Variants in COBLL1 observed in about 807,000 individuals in gnomAD.
COBLL1 encodes the protein cordon-bleu protein-like 1.
A neutral mutation model predicts 94.8 loss-of-function variants in COBLL1; 50 were observed. The observed-to-expected ratio is 0.53, with a 90% confidence interval of 0.42 to 0.67. The LOEUF (loss-of-function observed/expected upper bound fraction) is 0.67. Ranked by LOEUF, COBLL1 falls within the 30% of genes least tolerant of loss-of-function variation. COBLL1 has a pLI of 0.00. For synonymous variants in COBLL1, 448 were observed against 473.8 expected (o/e 0.95, Z 0.71); for missense variants, 1,362 against 1,348.7 (o/e 1.01, Z -0.15).
At chr2:164,820,217 C>T (rs1410743607) in intron 2 of COBLL1, among the ~76,000 whole-genome samples, 2 of 150,448 alleles carry the variant, frequency 1.3e-5, no homozygotes, top group African/African-American at 4.9e-5. Flanking sequence ...GCTGTCATAT[C>T]CTTACCCCCA....
At chr2:164,699,926 A>G (rs1684161455) in intron 10 of COBLL1, among the ~76,000 whole-genome samples, 2 of 152,088 alleles carry the variant, frequency 1.3e-5, no homozygotes, top group South Asian at 4.1e-4. Flanking sequence ...AGAATAGTTT[A>G]ATAAGGAGAC....
intron 7 of COBLL1, among the ~76,000 whole-genome samples, chr2:164,717,126 T>C (rs1237512012): frequency 1.3e-5 from 2 of 152,198 alleles, no homozygotes; most frequent in Non-Finnish European, 2.9e-5. Context: ...ATTTCCAATA[T>C]TTTCTTTCTG....
chr2:164,727,018 G>C (rs1685751979), intron 5 of COBLL1: 1 of 618,602 alleles, frequency 1.6e-6, no homozygotes, highest in South Asian at 2.8e-5. Flanking sequence ...ACACGTTAGT[G>C]ATGTTAAGAA....
At chr2:164,693,382 C>A (rs1683721297) in intron 12 of COBLL1, among the ~76,000 whole-genome samples, 1 of 152,100 alleles carries the variant, frequency 6.6e-6, no homozygotes, top group South Asian at 2.1e-4. Flanking sequence ...GGTTAACATT[C>A]TTTTGCTCTA....
chr2:164,687,231 G>A, intron 13 of COBLL1: 1 of 370,460 alleles, frequency 2.7e-6, no homozygotes, highest in Non-Finnish European at 4.8e-6. Flanking sequence ...TTTTTTTGGA[G>A]AGGAAGTAGA....
rs1355072470 is a variant in COBLL1 at position 164,728,054 on chromosome 2, A to G, written c.576T>C (p.Asp192=). 4 of 1,613,840 alleles carry G rather than the reference A, an allele frequency of 2.5e-6. No homozygotes were observed. Among genetic ancestry groups the G allele is most frequent in the South Asian group, 2.2e-5 (2 of 91,082 alleles). ...AGTCAAGAGGCTCCTGCGATTGATAATCTTTCAACAATAGTGTATGCAACG... is the reference window on the plus strand; with the variant it reads ...AGTCAAGAGGCTCCTGCGATTGATAGTCTTTCAACAATAGTGTATGCAACG... ...FDPLHTLLLK[D]YQSQEPLDLT... Residue 192 remains aspartate (D), a synonymous_variant, in exon 5 of 14, where the codon GAT becomes GAC. Coordinates refer to ENST00000652658, the MANE Select transcript of COBLL1 (RefSeq NM_001365672.2).
At chr2:164,717,889 C>A (rs1214364949) in intron 7 of COBLL1, among the ~76,000 whole-genome samples, 1 of 152,124 alleles carries the variant, frequency 6.6e-6, no homozygotes, top group Non-Finnish European at 1.5e-5. Flanking sequence ...ATTCAAGGAT[C>A]AATTATATTT....
Position 164,789,162 on chromosome 2 carries a change from T to C in COBLL1, c.42-45287A>G, listed in dbSNP as rs139318851. Among the ~76,000 whole-genome samples, 1,111 of 152,032 alleles carry C rather than the reference T, an allele frequency of 7.3e-3. 9 individuals are homozygous for C. The highest frequency in any genetic ancestry group is 0.026 in the African/African-American group (1,074 of 41,472). On this transcript the variant is annotated intron_variant, in intron 2 of 13. Coordinates refer to ENST00000652658, the MANE Select transcript of COBLL1 (RefSeq NM_001365672.2). ...GTTCAAATCCAGCCTGGACAAGTCC[T>C]GGACTCAAAAAACAAGCAAGATCTT... is the stretch of plus-strand genomic sequence containing the variant.
At position 164,840,285 on chromosome 2, in the gene COBLL1, T is replaced by C. The variant is rs539048752; in HGVS notation, c.41+871A>G. Among the ~76,000 whole-genome samples, 78 of 151,756 alleles carry C rather than the reference T, an allele frequency of 5.1e-4. 1 individual carries two copies. The highest frequency in any genetic ancestry group is 1.9e-3 in the African/African-American group (77 of 41,058). On this transcript the variant is annotated intron_variant, in intron 2 of 13. Transcript: ENST00000652658. ...ATAAACTATGTTGGAGGAACACTTA[T>C]GCTGGGGGGAAAAATCTTGTACTAC...
chr2:164,816,777 A>G (rs1316755672), intron 2 of COBLL1, among the ~76,000 whole-genome samples: 2 of 152,128 alleles, frequency 1.3e-5, no homozygotes, highest in African/African-American at 4.8e-5. Flanking sequence ...ATTATTAGTT[A>G]TGAGGGGTTC....
intron 3 of COBLL1, chr2:164,743,323 T>A (rs1173187673): frequency 6.0e-6 from 1 of 166,862 alleles, no homozygotes. Context: ...AAGAAAAGGA[T>A]AGGATTTTCC....
At chr2:164,732,333 T>C (rs1279268816) in intron 3 of COBLL1, among the ~76,000 whole-genome samples, 3 of 152,206 alleles carry the variant, frequency 2.0e-5, no homozygotes, top group Admixed American at 2.0e-4. Context: ...ATATTGCCCA[T>C]GTTTTGGCTT....
intron 2 of COBLL1, chr2:164,800,597 G>A (rs1683720194): frequency 4.3e-6 from 3 of 701,162 alleles, no homozygotes; most frequent in Admixed American, 2.0e-5. Flanking sequence ...TACTTGAAAT[G>A]AAAATACTGT....
At chr2:164,673,426 G>A (rs761192394) in intron 1 of COBLL1, among the ~76,000 whole-genome samples, 1 of 152,170 alleles carries the variant, frequency 6.6e-6, no homozygotes, top group Non-Finnish European at 1.5e-5. Context: ...TGTAATCCCA[G>A]CACTTTGGGA....
chr2:164,749,840 A>G (rs1283218773), intron 2 of COBLL1, among the ~76,000 whole-genome samples: 1 of 152,162 alleles, frequency 6.6e-6, no homozygotes, highest in African/African-American at 2.4e-5. Flanking sequence ...TGAGGGTCCA[A>G]ATCATAGACA....
chr2:164,792,317 T>TG (rs1683232228), intron 2 of COBLL1, among the ~76,000 whole-genome samples: 2 of 151,928 alleles, frequency 1.3e-5, no homozygotes, highest in South Asian at 4.2e-4. Flanking sequence ...TTTGTATAGA[T>TG]GGGGTCTCAC....
intron 2 of COBLL1, chr2:164,837,368 T>C (rs1683363325): frequency 9.2e-5 from 40 of 432,906 alleles, no homozygotes; most frequent in South Asian, 7.1e-4. Context: ...TACTAAGTAC[T>C]AATATAGAAA....
At chr2:164,813,495 G>T (rs369158162) in intron 2 of COBLL1, among the ~76,000 whole-genome samples, 1 of 152,116 alleles carries the variant, frequency 6.6e-6, no homozygotes, top group Non-Finnish European at 1.5e-5. Context: ...TCATCCAAAT[G>T]GAACATCAGG....
chr2:164,771,731 G>A (rs1296111334), intron 2 of COBLL1, among the ~76,000 whole-genome samples: 2 of 151,954 alleles, frequency 1.3e-5, no homozygotes, highest in Non-Finnish European at 2.9e-5. Flanking sequence ...ATGTGTCTTT[G>A]TAAATTACTA....
Sources: gnomAD v4.1 joint callset for allele counts (sites outside exome capture counted in the v4.1 genomes callset) on GRCh38, gnomAD v4.1.1 for gene constraint, MANE v1.5 for transcripts, NCBI Gene and HGNC (gene_info 2026-07-23, HGNC 2026-07-21) for gene names.